Variants in ZNF589 observed in about 807,000 individuals in gnomAD.
The protein encoded by ZNF589 is KRAB-zinc finger protein SZF1-1.
Under a neutral mutation model 13.6 loss-of-function variants are expected in ZNF589, and 17 were observed. That is an observed-to-expected ratio of 1.25 (90% CI 0.86 to 1.88). ZNF589 has a LOEUF of 1.88. ZNF589 is among the 40% of genes most tolerant of loss of function. The probability of loss-of-function intolerance (pLI) is 0.00; values close to 1 mark genes in which losing one functional copy is unlikely to be tolerated. For synonymous variants in ZNF589, 148 were observed against 161.6 expected (o/e 0.92, Z 0.64); for missense variants, 407 against 434.0 (o/e 0.94, Z 0.55).
In ZNF589 at chr3:48,265,496, A is replaced by G. The variant is rs564289483; in HGVS notation, c.224-2419A>G. Among the ~76,000 whole-genome samples, 6 of 151,572 alleles carry G rather than the reference A, an allele frequency of 4.0e-5. No homozygotes were observed. The South Asian group carries it at 1.0e-3, about 26-fold the overall frequency. On this transcript the variant is annotated intron_variant, in intron 3 of 3. Transcript: ENST00000354698. Reference sequence around the variant, plus strand: ...GAGACGGGGTTTCACTATGTTGGCCAGGCTGGTTTCGAACTCCTGATCTCA... The same window carrying G: ...GAGACGGGGTTTCACTATGTTGGCCGGGCTGGTTTCGAACTCCTGATCTCA...
intron 3 of ZNF589, among the ~76,000 whole-genome samples, chr3:48,265,587 A>G (rs1316495883): frequency 6.6e-6 from 1 of 151,924 alleles, no homozygotes; most frequent in Admixed American, 6.6e-5. Context: ...TGTGCTGGCC[A>G]GAAGAATTTT....
In ZNF589 at chr3:48,251,396, CAA is replaced by C. The variant is rs113298003; in HGVS notation, c.96+3732_96+3733del. On this transcript the variant is annotated intron_variant, in intron 2 of 3. Coordinates refer to ENST00000354698, the MANE Select transcript of ZNF589 (RefSeq NM_016089.3). The stretch of plus-strand genomic sequence containing the variant: ...TGGGTGACAGAGCAAGACTCCATCT[CAA>C]AAAAAAAAAAAATTAGCTGGGCGTG... Among the ~76,000 whole-genome samples, 292 of 137,070 alleles carry C rather than the reference CAA, an allele frequency of 2.1e-3. 3 individuals carry two copies. Among genetic ancestry groups the C allele is most frequent in the African/African-American group, 7.2e-3 (270 of 37,434 alleles). The allele number at this position is 137,070 out of a possible 152,430, so 89.9% of individuals were successfully genotyped here.
chr3:48,255,696 G>A (rs1029756547), intron 2 of ZNF589, among the ~76,000 whole-genome samples: 6 of 150,574 alleles, frequency 4.0e-5, no homozygotes, highest in African/African-American at 1.5e-4. Context: ...GTTTTGCCAC[G>A]TTGGCTGGTC....
intron 2 of ZNF589, chr3:48,257,962 G>A (rs769898200): frequency 4.5e-6 from 2 of 448,894 alleles, no homozygotes; most frequent in South Asian, 3.2e-5. Flanking sequence ...TGATCAAATA[G>A]TAAGTTTAAT....
chr3:48,267,463 C>A (rs2034030829), intron 3 of ZNF589, among the ~76,000 whole-genome samples: 1 of 151,354 alleles, frequency 6.6e-6, no homozygotes, highest in African/African-American at 2.4e-5. Context: ...GTGGCATGAT[C>A]TTGGCTCACT....
At chr3:48,264,910 G>T (rs2034003826) in intron 3 of ZNF589, among the ~76,000 whole-genome samples, 1 of 152,168 alleles carries the variant, frequency 6.6e-6, no homozygotes, top group African/African-American at 2.4e-5. Flanking sequence ...CCTGCTTCTA[G>T]GGCAGAACTC....
intron 1 of ZNF589, among the ~76,000 whole-genome samples, chr3:48,246,737 C>T (rs1229448935): frequency 6.6e-6 from 1 of 152,132 alleles, no homozygotes; most frequent in Non-Finnish European, 1.5e-5. Context: ...GGTGCGATCT[C>T]GGCACACTGC....
rs370743096 is a variant in ZNF589 at position 48,249,394 on chromosome 3, C to T, written c.96+1717C>T. On this transcript the variant is annotated intron_variant, in intron 2 of 3. Coordinates refer to ENST00000354698, the MANE Select transcript of ZNF589 (RefSeq NM_016089.3). Reference sequence around the variant, plus strand: ...CTGGGATTATAGGCATGAGCCACTGCGCCCGGCCCATCTTATGTTTTCATG... The same window carrying T: ...CTGGGATTATAGGCATGAGCCACTGTGCCCGGCCCATCTTATGTTTTCATG... Among the ~76,000 whole-genome samples the T allele has an allele frequency of 1.2e-3, 179 of 152,334 alleles. 1 individual carries two copies. Among genetic ancestry groups the T allele is most frequent in the African/African-American group, 4.2e-3 (173 of 41,594 alleles).
rs1341541442 is a variant in ZNF589 at position 48,259,700 on chromosome 3, C to T, written c.97-1113C>T. Among the ~76,000 whole-genome samples the T allele has an allele frequency of 3.3e-5, 5 of 152,066 alleles. No homozygotes were observed. In the South Asian group the frequency reaches 8.3e-4, roughly 25 times the overall value. On this transcript the variant is annotated intron_variant, in intron 2 of 3. Coordinates refer to ENST00000354698, the MANE Select transcript of ZNF589 (RefSeq NM_016089.3). ...CCGAGGCCGGCAGATCACTTGAGGT[C>T]GGGAATTGGAGACTAGCCTGGCCAA...
At chr3:48,244,635 C>G (rs1218701332) in intron 1 of ZNF589, among the ~76,000 whole-genome samples, 1 of 151,542 alleles carries the variant, frequency 6.6e-6, no homozygotes. Flanking sequence ...TTGCTGGGGT[C>G]TGTTTAGAGT....
intron 3 of ZNF589, among the ~76,000 whole-genome samples, chr3:48,262,700 T>C (rs1214763750): frequency 6.6e-6 from 1 of 152,100 alleles, no homozygotes; most frequent in East Asian, 1.9e-4. Flanking sequence ...CTTCTCTCTC[T>C]CCTTCTTTTT....
chr3:48,256,611 C>T (rs765720483), intron 2 of ZNF589: 57 of 819,762 alleles, frequency 7.0e-5, no homozygotes, highest in East Asian at 3.6e-4. Context: ...CAGTTCTCTT[C>T]CCGTCATAGG....
At chr3:48,265,506 C>T (rs1447168533) in intron 3 of ZNF589, among the ~76,000 whole-genome samples, 2 of 150,850 alleles carry the variant, frequency 1.3e-5, no homozygotes, top group South Asian at 2.1e-4. Context: ...AGGCTGGTTT[C>T]GAACTCCTGA....
intron 3 of ZNF589, among the ~76,000 whole-genome samples, chr3:48,263,591 C>T (rs1371201337): frequency 6.6e-6 from 1 of 151,798 alleles, no homozygotes; most frequent in Non-Finnish European, 1.5e-5. Context: ...AAATACAAAA[C>T]AAAAACAAAA....
chr3:48,269,727 C>T lies in ZNF589; in HGVS notation c.*941C>T, dbSNP rs1188508291. 2 of 336,716 alleles carry T rather than the reference C, an allele frequency of 5.9e-6. No individual in the cohort carries two copies. The highest frequency in any genetic ancestry group is 4.0e-5 in the Admixed American group (1 of 24,878). The allele number at this position is 336,716 out of a possible 1,614,324, so 20.9% of individuals were successfully genotyped here. A position where few individuals can be genotyped will look rare whatever the true frequency, so the allele number is the denominator to read the frequency against. On this transcript the variant is annotated 3_prime_UTR_variant, in exon 4 of 4. Coordinates refer to ENST00000354698, the MANE Select transcript of ZNF589 (RefSeq NM_016089.3). ...AGGAGTGAGGATGTGATTTTAGCAA[C>T]AAGTCAGCCATCAGCCACACCAGCG...
chr3:48,244,497 C>T (rs1025848988), intron 1 of ZNF589, among the ~76,000 whole-genome samples: 2 of 152,026 alleles, frequency 1.3e-5, no homozygotes, highest in African/African-American at 4.8e-5. Flanking sequence ...TGGATAGATA[C>T]ATAGTATAGG....
chr3:48,256,775 G>A (rs531467220), intron 2 of ZNF589: 36 of 1,600,394 alleles, frequency 2.2e-5, no homozygotes, highest in South Asian at 8.9e-5. Flanking sequence ...CTTGGGAGTC[G>A]CTGTGATACG....
In ZNF589 at chr3:48,269,561, AAGT is replaced by A; in HGVS notation, c.*776_*778del. ...CGAGTGTGGGCGAAACTTTAGCCAC[AAGT>A]CCACTCTCAGCTTACATCAGAGGAT... On this transcript the variant is annotated 3_prime_UTR_variant, in exon 4 of 4. Coordinates refer to ENST00000354698, the MANE Select transcript of ZNF589 (RefSeq NM_016089.3). 1 of 338,174 alleles carries A rather than the reference AAGT, an allele frequency of 3.0e-6. No homozygotes were observed. The highest frequency in any genetic ancestry group is 4.2e-5 in the Admixed American group (1 of 23,960). 20.9% of individuals were successfully genotyped at this position (338,174 alleles called of 1,614,324 possible). A position where few individuals can be genotyped will look rare whatever the true frequency, so the allele number is the denominator to read the frequency against.
intron 2 of ZNF589, among the ~76,000 whole-genome samples, chr3:48,256,121 A>G (rs11130162): frequency 0.39 from 58,935 of 151,882 alleles, 12,303 homozygotes; most frequent in African/African-American, 0.53. Context: ...CCCCACAGCA[A>G]TTGCCAAGGG....
Sources: gnomAD v4.1 joint callset for allele counts (sites outside exome capture counted in the v4.1 genomes callset) on GRCh38, gnomAD v4.1.1 for gene constraint, MANE v1.5 for transcripts, NCBI Gene and HGNC (gene_info 2026-07-23, HGNC 2026-07-21) for gene names.